CATSPER1: variants seen among roughly 807,000 people sequenced by gnomAD.
CATSPER1 encodes the protein cation channel sperm associated 1.
CATSPER1 carries 57 observed loss-of-function variants against 72.7 expected under a neutral mutation model. The observed-to-expected ratio is 0.78, with a 90% CI of 0.63 to 0.98. The LOEUF (loss-of-function observed/expected upper bound fraction) is 0.98. Ranked by LOEUF, CATSPER1 falls within the 50% of genes least tolerant of loss-of-function variation. CATSPER1 has a pLI of 0.00. For missense variants in CATSPER1, 910 were observed against 1,033.9 expected (o/e 0.88, Z 1.64); for synonymous variants, 363 against 403.0 (o/e 0.90, Z 1.19).
At chr11:66,018,753 C>T (rs1856290908) in intron 10 of CATSPER1, 74 bp downstream of exon 10, 1 of 1,477,288 alleles carries the variant, frequency 6.8e-7, no homozygotes, top group Admixed American at 1.7e-5. Context: ...ATGTCCCTTT[C>T]CCTCCAGCCC....
chr11:66,024,282 T>TTTTTTTTTTTTTTTTTTTTG (rs1856446222), intron 1 of CATSPER1, among the ~76,000 whole-genome samples: 1 of 131,124 alleles, frequency 7.6e-6, no homozygotes. Context: ...TTTTTTTTTT[T>TTTTTTTTTTTTTTTTTTTTG]TTTTTTTTTT....
chr11:66,018,100 C>T (rs867104178), intron 10 of CATSPER1, among the ~76,000 whole-genome samples: 10 of 150,208 alleles, frequency 6.7e-5, no homozygotes, highest in Admixed American at 3.3e-4. Flanking sequence ...CCCAGCTACT[C>T]GGGAGGGTGA....
chr11:66,019,502 G>A (rs11227382), intron 9 of CATSPER1, among the ~76,000 whole-genome samples: 1 of 151,880 alleles, frequency 6.6e-6, no homozygotes, highest in African/African-American at 2.4e-5. Context: ...GTCTTGAACT[G>A]CTGACCTCAG....
At position 66,026,290 on chromosome 11, in the gene CATSPER1, TG is replaced by T; in HGVS notation, c.89del (p.Pro30HisfsTer305). 1.2e-6 allele frequency: 2 copies of T among 1,614,126 alleles called. No homozygotes were observed. Among genetic ancestry groups the T allele is most frequent in the Non-Finnish European group, 1.7e-6 (2 of 1,180,008 alleles). On this transcript the variant is annotated frameshift_variant, in exon 1 of 12. Coordinates refer to ENST00000312106, the MANE Select transcript of CATSPER1 (RefSeq NM_053054.4). LOFTEE classifies it high-confidence loss of function. ...DRFFRSHSSP[P>X]HHRPGHSRAL... ...CTCTGCTGTGGCCTGGCCTGTGGTGTGGGGGTGATGAGTGAGAGCGAAAGAA... is the reference window on the plus strand; with the variant it reads ...CTCTGCTGTGGCCTGGCCTGTGGTGTGGGGTGATGAGTGAGAGCGAAAGAA...
At chr11:66,018,691 A>C (rs1856288599) in intron 10 of CATSPER1, 136 bp downstream of exon 10, 1 of 942,424 alleles carries the variant, frequency 1.1e-6, no homozygotes, top group South Asian at 1.4e-5. Context: ...CGTTGCACCC[A>C]CAGGCTCATC....
Position 66,020,704 on chromosome 11 carries a change from C to G in CATSPER1, c.1928-77G>C. The G allele has an allele frequency of 6.3e-7, 1 of 1,594,666 alleles. No individual in the cohort carries two copies. Among genetic ancestry groups the G allele is most frequent in the Non-Finnish European group, 8.6e-7 (1 of 1,165,558 alleles). On this transcript the variant is annotated intron_variant, in intron 6 of 11. Coordinates refer to ENST00000312106, the MANE Select transcript of CATSPER1 (RefSeq NM_053054.4). The surrounding 1 kb of genome is among the most constrained non-coding windows in gnomAD (Gnocchi z 4.5). ...CCACGACCTGCTCCCTTCCCATACC[C>G]GGACATGCAGGCATCAGAAGCCCCA...
At chr11:66,024,707 GC>G (rs1856456747) in intron 1 of CATSPER1, among the ~76,000 whole-genome samples, 1 of 152,186 alleles carries the variant, frequency 6.6e-6, no homozygotes, top group African/African-American at 2.4e-5. Context: ...TTCTCAAGCA[GC>G]TCACAGGTGA....
Position 66,021,482 on chromosome 11 carries a change from C to T in CATSPER1, c.1691+14G>A. On this transcript the variant is annotated intron_variant, in intron 4 of 11. Transcript: ENST00000312106. The stretch of plus-strand genomic sequence containing the variant: ...TTGGAGTCCCCACCCCAGGTGGGAG[C>T]CGTGGCCACTGACCTGAGCCTCCGC... 6.2e-7 allele frequency: 1 copy of T among 1,611,832 alleles called. No homozygotes were observed. The highest frequency in any genetic ancestry group is 2.2e-5 in the East Asian group (1 of 44,878).
At position 66,016,894 on chromosome 11, in the gene CATSPER1, T is replaced by C; in HGVS notation, c.2339A>G (p.Asn780Ser). 6.2e-7 allele frequency: 1 copy of C among 1,613,956 alleles called. No individual in the cohort carries two copies. Among genetic ancestry groups the C allele is most frequent in the Non-Finnish European group, 8.5e-7 (1 of 1,179,936 alleles). The change falls in exon 12 of 12, where the codon AAT becomes AGT. Residue 780 changes from asparagine (N) to serine (S), a missense_variant. Physicochemically the swap from Asn to Ser is conservative, Grantham distance 46 (BLOSUM62 1). Coordinates refer to ENST00000312106, the MANE Select transcript of CATSPER1 (RefSeq NM_053054.4). ...TFEAGEEDFR[N>S] is the part of the protein sequence containing the mutation. The stretch of plus-strand genomic sequence containing the variant: ...GTATCTGGTGTCCTCCTGGGGTCAA[T>C]TCCTGAAGTCCTCTTCTCCAGCCTG...
chr11:66,021,950 C>G, intron 2 of CATSPER1, 71 bp from the exon 3 acceptor site: 1 of 1,181,866 alleles, frequency 8.5e-7, no homozygotes, highest in South Asian at 1.2e-5. Context: ...CAGCATTAGC[C>G]TCACACAAGC....
chr11:66,024,643 T>C (rs1856455017), intron 1 of CATSPER1, among the ~76,000 whole-genome samples: 1 of 152,172 alleles, frequency 6.6e-6, no homozygotes, highest in African/African-American at 2.4e-5. Flanking sequence ...AAGGCCATGG[T>C]CCCTCCTTGC....
chr11:66,022,769 C>T, intron 2 of CATSPER1, 80 bp downstream of exon 2: 1 of 1,426,582 alleles, frequency 7.0e-7, no homozygotes, highest in Non-Finnish European at 9.9e-7. Flanking sequence ...TATAAACCGC[C>T]CGGCACTGGA....
chr11:66,023,159 C>T (rs1273950425), intron 1 of CATSPER1, 98 bp from the exon 2 acceptor site: 9 of 1,176,066 alleles, frequency 7.7e-6, no homozygotes, highest in Non-Finnish European at 1.0e-5. Context: ...TCACTCCTGC[C>T]TGCTTGCTGG....
intron 2 of CATSPER1, among the ~76,000 whole-genome samples, chr11:66,022,102 G>A (rs564161626): frequency 4.5e-4 from 69 of 152,308 alleles, no homozygotes; most frequent in African/African-American, 1.6e-3. Flanking sequence ...CACATTGGGA[G>A]GTTGAGGCGG....
At chr11:66,022,793 G>A in intron 2 of CATSPER1, 56 bp downstream of exon 2, 1 of 1,567,532 alleles carries the variant, frequency 6.4e-7, no homozygotes, top group South Asian at 1.1e-5. Flanking sequence ...GGCCCACGGA[G>A]GTCCTGGAAG....
rs992124316 is a variant in CATSPER1, at chr11:66,021,859, C to A, written c.1450G>T (p.Asp484Tyr). 3.1e-6 allele frequency: 5 copies of A among 1,613,908 alleles called. No homozygotes were observed. The African/African-American group carries it at 6.7e-5, about 22-fold the overall frequency. The part of the protein sequence containing the change: ...IRGEWYFMAL[D>Y]SIFFCIYVVE... ...ACGTAGATGCAGAAGAATATGGAGTCCAAGGCCATGAAGTACCACTCTGCA... is the reference window on the plus strand; with the variant it reads ...ACGTAGATGCAGAAGAATATGGAGTACAAGGCCATGAAGTACCACTCTGCA... The change falls in exon 3 of 12, where the codon GAC (aspartate) becomes TAC (tyrosine). Residue 484 changes from aspartate (D) to tyrosine (Y), a missense_variant. By Grantham distance (160) the Asp-to-Tyr change is radical. Transcript: ENST00000312106.
In CATSPER1 at chr11:66,026,355, T is replaced by C; in HGVS notation, c.25A>G (p.Lys9Glu). Residue 9 changes from lysine (K) to glutamate (E), a missense_variant, in exon 1 of 12, where the codon AAG becomes GAG. Lys to Glu is a moderately conservative substitution (Grantham distance 56). Coordinates refer to ENST00000312106, the MANE Select transcript of CATSPER1 (RefSeq NM_053054.4). ...TTGGTGTCTGCCTCATTCTGAGCCT[T>C]TTCAGGCACTGAGTTTTGATCCATG... Reference protein sequence around the residue: MDQNSVPEKAQNEADTNNA... With the variant: MDQNSVPEEAQNEADTNNA... 6.2e-7 allele frequency: 1 copy of C among 1,613,850 alleles called. No individual in the cohort carries two copies. The highest frequency in any genetic ancestry group is 8.5e-7 in the Non-Finnish European group (1 of 1,179,922).
Position 66,025,785 on chromosome 11 carries a change from G to A in CATSPER1, c.595C>T (p.Leu199Phe), listed in dbSNP as rs749399853. 2.5e-5 allele frequency: 40 copies of A among 1,613,548 alleles called. No homozygotes were observed. Among genetic ancestry groups the A allele is most frequent in the Non-Finnish European group, 3.3e-5 (39 of 1,179,750 alleles). ...ESFHHSEASH[L>F]SGLQHDESQH... ...GACTCATCGTGTTGGAGCCCGCTAA[G>A]GTGGGAAGCCTCGCTGTGGTGGAAG... Residue 199 changes from leucine (L) to phenylalanine (F), a missense_variant, in exon 1 of 12, where the codon CTT becomes TTT. Physicochemically the swap from Leu to Phe is conservative, Grantham distance 22. Coordinates refer to ENST00000312106, the MANE Select transcript of CATSPER1 (RefSeq NM_053054.4).
In CATSPER1 at chr11:66,021,584, C is replaced by T. The variant is rs762182903; in HGVS notation, c.1603G>A (p.Ala535Thr). 6.2e-6 allele frequency: 10 copies of T among 1,612,566 alleles called. No homozygotes were observed. The highest frequency in any genetic ancestry group is 1.3e-5 in the African/African-American group (1 of 75,002). The change falls in exon 4 of 12, where the codon GCC (alanine) becomes ACC (threonine). Residue 535 changes from alanine to threonine, a missense_variant. Transcript: ENST00000312106. The part of the protein sequence containing the change: ...DFLLMQTHSF[A>T]IYHQSLFRIL... The stretch of plus-strand genomic sequence containing the variant: ...CGGAAGAGGCTTTGGTGGTAGATGG[C>T]GAAGGAGTGGGTCTGCATCAGCAAG...
Sources: gnomAD v4.1 joint callset for allele counts (sites outside exome capture counted in the v4.1 genomes callset) on GRCh38, gnomAD v4.1.1 for gene constraint, Gnocchi (gnomAD v3.1) non-coding constraint, MANE v1.5 for transcripts, NCBI Gene and HGNC (gene_info 2026-07-23, HGNC 2026-07-21) for gene names.